MYO15A: variants seen among roughly 807,000 people sequenced by gnomAD.
The protein encoded by MYO15A is myosin XVA, also known as unconventional myosin-XV.
Under a neutral mutation model 394.6 loss-of-function variants are expected in MYO15A, and 308 were observed. The observed-to-expected ratio is 0.78, with a 90% CI of 0.71 to 0.86. MYO15A has a LOEUF of 0.86. MYO15A is among the 40% of genes least tolerant of loss of function. The pLI, the probability that MYO15A is intolerant of heterozygous loss-of-function variation, is 0.00. For missense variants in MYO15A, 4,606 were observed against 4,799.1 expected (o/e 0.96, Z 1.19); for synonymous variants, 1,957 against 2,003.8 (o/e 0.98, Z 0.62).
chr17:18,162,511 T>C (rs1325694437), intron 57 of MYO15A, 74 bp from the exon 58 acceptor site: 29 of 1,347,288 alleles, frequency 2.2e-5, no homozygotes, highest in Non-Finnish European at 3.0e-5. Flanking sequence ...GGGCTCATGG[T>C]TGGTGGCAAG....
chr17:18,111,718 C>T (rs1195078550), intron 1 of MYO15A, among the ~76,000 whole-genome samples: 1 of 152,242 alleles, frequency 6.6e-6, no homozygotes, highest in African/African-American at 2.4e-5. Context: ...CCTCCTCACT[C>T]AGAGCAGACA....
intron 17 of MYO15A, among the ~76,000 whole-genome samples, 168 bp from the exon 18 acceptor site, chr17:18,138,643 C>T (rs889663318): frequency 6.6e-6 from 1 of 152,222 alleles, no homozygotes; most frequent in African/African-American, 2.4e-5. Context: ...CAGTGCCTAG[C>T]TAAGGCACTC....
At position 18,118,726 on chromosome 17, in the gene MYO15A, G is replaced by T; in HGVS notation, c.-75G>T. On this transcript the variant is annotated 5_prime_UTR_variant, in exon 2 of 66. It introduces an in-frame stop codon into an upstream open reading frame of the 5' UTR. Transcript: ENST00000647165. ...CGTGTCCAGCCGCGGGCAAGAGACA[G>T]AGCAGGTCCCTGTGTCTCCAAGTCC... is the stretch of plus-strand genomic sequence containing the variant. The T allele has an allele frequency of 6.2e-7, 1 of 1,601,558 alleles. No homozygotes were observed. Among genetic ancestry groups the T allele is most frequent in the South Asian group, 1.1e-5 (1 of 88,734 alleles).
chr17:18,168,947 T>A (rs1215941976), intron 62 of MYO15A, among the ~76,000 whole-genome samples: 46 of 144,436 alleles, frequency 3.2e-4, no homozygotes, highest in African/African-American at 1.1e-3. Flanking sequence ...ACTAAAAAAA[T>A]TTAAAAAAAA....
At position 18,119,477 on chromosome 17, in the gene MYO15A, T is replaced by C; in HGVS notation, c.677T>C (p.Leu226Pro). The C allele has an allele frequency of 6.2e-7, 1 of 1,612,720 alleles. No homozygotes were observed. Among genetic ancestry groups the C allele is most frequent in the Non-Finnish European group, 8.5e-7 (1 of 1,179,966 alleles). The change falls in exon 2 of 66, where the codon CTT (leucine) becomes CCT (proline). Residue 226 changes from leucine (L) to proline (P), a missense_variant. Physicochemically the swap from Leu to Pro is moderately conservative, Grantham distance 98. Around this residue, in one of 2 missense-constraint regions of MYO15A, gnomAD observed 1,830 missense variants for 1,689.7 expected, o/e 1.08. Transcript: ENST00000647165. The stretch of plus-strand genomic sequence containing the variant: ...GGCTCCCGCAAGTCGCTGTACGGGC[T>C]TGAGGGCTTCCAGGACCTGGGCGAG... ...HSGSRKSLYG[L>P]EGFQDLGEYY...
chr17:18,142,870 G>C, intron 25 of MYO15A, 30 bp downstream of exon 25: 1 of 1,587,858 alleles, frequency 6.3e-7, no homozygotes, highest in East Asian at 2.3e-5. Flanking sequence ...TGGGTCCAAG[G>C]GGACAGCAGA....
rs1436305738 is a variant in MYO15A at position 18,121,744 on chromosome 17, G to C, written c.2944G>C (p.Ala982Pro). ...PSPTLQPEDP[A>P]ADMTRVFLGR... ...CCCCACCCTCCAGCCTGAGGATCCA[G>C]CTGCTGATATGACCAGGGTCTTCCT... The change falls in exon 2 of 66, where the codon GCT (alanine) becomes CCT (proline). Residue 982 changes from alanine to proline, a missense_variant. Physicochemically the swap from Ala to Pro is conservative, Grantham distance 27. Around this residue, in one of 2 missense-constraint regions of MYO15A, gnomAD observed 1,830 missense variants for 1,689.7 expected, o/e 1.08. Coordinates refer to ENST00000647165, the MANE Select transcript of MYO15A (RefSeq NM_016239.4). The surrounding 1 kb of genome is among the most constrained non-coding windows in gnomAD (Gnocchi z 5.3). The C allele has an allele frequency of 5.0e-6, 8 of 1,602,324 alleles. No homozygotes were observed. Among genetic ancestry groups the C allele is most frequent in the Non-Finnish European group, 6.8e-6 (8 of 1,173,238 alleles).
intron 61 of MYO15A, among the ~76,000 whole-genome samples, chr17:18,167,386 C>T (rs1178115244): frequency 1.3e-5 from 2 of 152,276 alleles, no homozygotes; most frequent in Non-Finnish European, 2.9e-5. Flanking sequence ...GGGACTCCCT[C>T]ATGGGCATCA....
At position 18,159,928 on chromosome 17, in the gene MYO15A, C is replaced by A. The variant is rs542750202; in HGVS notation, c.9304-7C>A. The A allele has an allele frequency of 4.3e-6, 7 of 1,613,874 alleles. No homozygotes were observed. Among genetic ancestry groups the A allele is most frequent in the Non-Finnish European group, 5.9e-6 (7 of 1,179,960 alleles). On this transcript the variant is annotated splice_region_variant and splice_polypyrimidine_tract_variant and intron_variant, in intron 55 of 65. Transcript: ENST00000647165. ...CTTTGGTGTGTAACCTCCCTGCCCCCCTTCAGCTGTGCGGGGACCATGAGG... is the reference window on the plus strand; with the variant it reads ...CTTTGGTGTGTAACCTCCCTGCCCCACTTCAGCTGTGCGGGGACCATGAGG...
In MYO15A at chr17:18,150,738, C is replaced by G; in HGVS notation, c.7368C>G (p.Ala2456=). The change falls in exon 37 of 66, where the codon GCC becomes GCG. Residue 2456 remains alanine, a synonymous_variant. Coordinates refer to ENST00000647165, the MANE Select transcript of MYO15A (RefSeq NM_016239.4). This position sits in a 1 kb window ranked among gnomAD's most constrained non-coding sequence, Gnocchi z 4.4. ...LDASTLALQQ[A]FIHKQAVLLA... ...CCTCCACATTGGCTCTGCAGCAAGCCTTCATCCACAAACAGGCCGTGCTGC... is the reference window on the plus strand; with the variant it reads ...CCTCCACATTGGCTCTGCAGCAAGCGTTCATCCACAAACAGGCCGTGCTGC... 2 of 1,588,730 alleles carry G rather than the reference C, an allele frequency of 1.3e-6. No homozygotes were observed. The highest frequency in any genetic ancestry group is 1.7e-6 in the Non-Finnish European group (2 of 1,166,372).
At position 18,151,867 on chromosome 17, in the gene MYO15A, C is replaced by T; in HGVS notation, c.7809C>T (p.Phe2603=). The change falls in exon 41 of 66, where the codon TTC becomes TTT. Residue 2603 remains phenylalanine (F), a synonymous_variant. Coordinates refer to ENST00000647165, the MANE Select transcript of MYO15A (RefSeq NM_016239.4). ...EALRKDGGKV[F]MKRPDPHEEA... ...ACAGGAAGGATGGCGGGAAAGTGTTCATGAAGCGGCCAGACCCTCATGAGG... is the reference window on the plus strand; with the variant it reads ...ACAGGAAGGATGGCGGGAAAGTGTTTATGAAGCGGCCAGACCCTCATGAGG... The T allele has an allele frequency of 6.3e-7, 1 of 1,577,722 alleles. No individual in the cohort carries two copies. The highest frequency in any genetic ancestry group is 8.6e-7 in the Non-Finnish European group (1 of 1,161,832).
chr17:18,152,134 T>C lies in MYO15A; in HGVS notation c.7916T>C (p.Leu2639Pro). ...GTQVSREAVA[L>P]VKPVTSAPRP... ...CAGGTGTCCAGAGAGGCCGTGGCCC[T>C]GGTGAAGCCGGTGACCAGTGCACCA... Residue 2639 changes from leucine (L) to proline (P), a missense_variant, in exon 42 of 66, where the codon CTG (leucine) becomes CCG (proline). By Grantham distance (98) the Leu-to-Pro change is moderately conservative (BLOSUM62 -3). Around this residue, in one of 2 missense-constraint regions of MYO15A, gnomAD observed 2,776 missense variants for 3,109.3 expected, o/e 0.89. Transcript: ENST00000647165. The C allele has an allele frequency of 6.4e-7, 1 of 1,551,522 alleles. No homozygotes were observed. Among genetic ancestry groups the C allele is most frequent in the Non-Finnish European group, 8.7e-7 (1 of 1,147,202 alleles).
In MYO15A at chr17:18,147,993, T is replaced by A; in HGVS notation, c.6510-36T>A. 6.2e-7 allele frequency: 1 copy of A among 1,613,502 alleles called. No homozygotes were observed. The highest frequency in any genetic ancestry group is 1.3e-5 in the African/African-American group (1 of 75,044). On this transcript the variant is annotated intron_variant, in intron 30 of 65. Coordinates refer to ENST00000647165, the MANE Select transcript of MYO15A (RefSeq NM_016239.4). This position sits in a 1 kb window ranked among gnomAD's most constrained non-coding sequence, Gnocchi z 4.4. Reference sequence around the variant, plus strand: ...CCCTCAGCCCCAAGCTAGCTTCAGATCCTTCTTGATCCTGGCTCCAACTCC... The same window carrying A: ...CCCTCAGCCCCAAGCTAGCTTCAGAACCTTCTTGATCCTGGCTCCAACTCC...
At position 18,166,466 on chromosome 17, in the gene MYO15A, G is replaced by A; in HGVS notation, c.9893G>A (p.Trp3298Ter). ...GYMLWFRRVLWDQPLKFENEL... is the reference protein window; with the variant it reads ...GYMLWFRRVL The stretch of plus-strand genomic sequence containing the variant: ...ATGCTCTGGTTCCGGCGTGTGCTCT[G>A]GGATCAGCCACTCAAGTTCGAGAAT... The change falls in exon 61 of 66, where the codon TGG (tryptophan) becomes TAG (stop). Residue 3298 changes from tryptophan (W) to a stop codon, truncating the protein, a stop_gained. Transcript: ENST00000647165. LOFTEE classifies it high-confidence loss of function. 1.2e-6 allele frequency: 2 copies of A among 1,614,006 alleles called. No homozygotes were observed. The highest frequency in any genetic ancestry group is 1.7e-6 in the Non-Finnish European group (2 of 1,180,026).
chr17:18,124,184 G>GCTGGCCCATGCGCCCATGTAC, intron 2 of MYO15A: 1 of 450,750 alleles, frequency 2.2e-6, no homozygotes, highest in East Asian at 4.3e-5. Flanking sequence ...TTGGGAGGGA[G>GCTGGCCCATGCGCCCATGTAC]CTGGCCCATG....
Position 18,171,667 on chromosome 17 carries a change from A to T in MYO15A, c.10112A>T (p.Gln3371Leu), listed in dbSNP as rs757121063. 1.1e-5 allele frequency: 18 copies of T among 1,613,782 alleles called. No individual in the cohort carries two copies. Among genetic ancestry groups the T allele is most frequent in the Non-Finnish European group, 1.5e-5 (18 of 1,180,042 alleles). The change falls in exon 63 of 66, where the codon CAG becomes CTG. Residue 3371 changes from glutamine to leucine, a missense_variant. Gln to Leu is a moderately radical substitution (Grantham distance 113). Transcript: ENST00000647165. ...GAAGTCCAGGAGTACATCCCAGCCC[A>T]GCTCTACCGTACAACGGCAGGCTCG... ...VREVQEYIPA[Q>L]LYRTTAGSTW... is the part of the protein sequence containing the mutation.
rs2046856007 is a variant in MYO15A at position 18,166,437 on chromosome 17, C to T, written c.9864C>T (p.Gly3288=). 3.7e-6 allele frequency: 6 copies of T among 1,614,120 alleles called. No individual in the cohort carries two copies. The highest frequency in any genetic ancestry group is 5.1e-6 in the Non-Finnish European group (6 of 1,180,032). ...VASEMEQVDG[G]YMLWFRRVLW... ...CAGAGATGGAGCAGGTGGACGGCGG[C>T]TACATGCTCTGGTTCCGGCGTGTGC... The change falls in exon 61 of 66, where the codon GGC becomes GGT. Residue 3288 remains glycine, a synonymous_variant. Coordinates refer to ENST00000647165, the MANE Select transcript of MYO15A (RefSeq NM_016239.4).
At position 18,148,858 on chromosome 17, in the gene MYO15A, TCGGACCTGGAG is replaced by T. The variant is rs2142363190; in HGVS notation, c.6864_6874del (p.Asp2289AlafsTer37). The T allele has an allele frequency of 4.4e-6, 7 of 1,607,856 alleles. No homozygotes were observed. Among genetic ancestry groups the T allele is most frequent in the Middle Eastern group, 1.7e-4 (1 of 6,054 alleles). On this transcript the variant is annotated frameshift_variant, in exon 33 of 66. Coordinates refer to ENST00000647165, the MANE Select transcript of MYO15A (RefSeq NM_016239.4). LOFTEE classifies it high-confidence loss of function. This position sits in a 1 kb window ranked among gnomAD's most constrained non-coding sequence, Gnocchi z 4.8. ...CCACGACTACGTGTTAGACCTGGTG[TCGGACCTGGAG>T]CTGCTCAGGGACTTCCCTCGACAGA... is the stretch of plus-strand genomic sequence containing the variant.
At position 18,118,877 on chromosome 17, in the gene MYO15A, C is replaced by A. The variant is rs866958211; in HGVS notation, c.77C>A (p.Pro26His). Residue 26 changes from proline to histidine, a missense_variant, in exon 2 of 66, where the codon CCC becomes CAC. Physicochemically the swap from Pro to His is moderately conservative, Grantham distance 77. Transcript: ENST00000647165. The part of the protein sequence containing the change: ...KGKKAPEPEK[P>H]KRSLKGTSRL... The stretch of plus-strand genomic sequence containing the variant: ...AAGAAGGCACCGGAGCCGGAGAAGC[C>A]CAAACGGAGCCTGAAGGGGACGTCG... The A allele has an allele frequency of 6.2e-7, 1 of 1,613,672 alleles. No homozygotes were observed. Among genetic ancestry groups the A allele is most frequent in the African/African-American group, 1.3e-5 (1 of 75,038 alleles).
Sources: allele counts gnomAD v4.1 joint callset (sites outside exome capture counted in the v4.1 genomes callset), GRCh38; gene constraint gnomAD v4.1.1; regional missense constraint gnomAD v4.1.1; non-coding constraint Gnocchi (gnomAD v3.1); transcripts MANE v1.5; gene names NCBI Gene and HGNC (gene_info 2026-07-23, HGNC 2026-07-21).